AGTPBP1: variants seen among roughly 807,000 people sequenced by gnomAD.
AGTPBP1 encodes ATP/GTP binding carboxypeptidase 1, also known as cytosolic carboxypeptidase 1.
AGTPBP1 carries 70 observed loss-of-function variants against 143.9 expected under a neutral mutation model. That is an observed-to-expected ratio of 0.49 (90% CI 0.40 to 0.59). The LOEUF (loss-of-function observed/expected upper bound fraction) is 0.59. AGTPBP1 is among the 20% of genes least tolerant of loss of function. AGTPBP1 has a pLI of 0.00. For missense variants in AGTPBP1, 1,229 were observed against 1,464.5 expected, an observed-to-expected ratio of 0.84 and a Z score of 2.62; for synonymous variants, 463 against 500.2, an observed-to-expected ratio of 0.93 and a Z score of 0.99.
chr9:85,792,549 G>C, the AGTPBP1 span, among the ~76,000 whole-genome samples: 1 of 152,174 alleles, frequency 6.6e-6, no homozygotes, highest in African/African-American at 2.4e-5. Context: ...TGTTAGACAT[G>C]ACTAGAAAGA....
At chr9:85,753,468 T>C in the AGTPBP1 span, 1 of 1,607,472 alleles carries the variant, frequency 6.2e-7, no homozygotes, top group Non-Finnish European at 8.5e-7. Flanking sequence ...AATCTGATGG[T>C]TGTCTAAATA....
intron 11 of AGTPBP1, among the ~76,000 whole-genome samples, chr9:85,648,506 TC>T (rs1270940210): frequency 6.6e-6 from 1 of 151,872 alleles, no homozygotes; most frequent in East Asian, 1.9e-4. Flanking sequence ...AGAAAATAAC[TC>T]CTAGGAAAAA....
chr9:85,804,787 G>A, the AGTPBP1 span, among the ~76,000 whole-genome samples: 1 of 152,236 alleles, frequency 6.6e-6, no homozygotes, highest in Non-Finnish European at 1.5e-5. Context: ...ACAGGGAACT[G>A]AGCAATGTTA....
intron 1 of AGTPBP1, among the ~76,000 whole-genome samples, chr9:85,722,776 C>A (rs148703682): frequency 0.032 from 4,837 of 152,290 alleles, 103 homozygotes; most frequent in African/African-American, 0.053. Flanking sequence ...AACTTTTCAG[C>A]TTTTCTGCTC....
intron 1 of AGTPBP1, among the ~76,000 whole-genome samples, chr9:85,719,065 A>G (rs1326651340): frequency 6.6e-6 from 1 of 152,080 alleles, no homozygotes; most frequent in Non-Finnish European, 1.5e-5. Flanking sequence ...TGTTTTAGTT[A>G]CTGTAGCCTT....
chr9:85,662,461 A>C (rs1833904461), intron 8 of AGTPBP1, among the ~76,000 whole-genome samples: 1 of 152,198 alleles, frequency 6.6e-6, no homozygotes, highest in Non-Finnish European at 1.5e-5. Context: ...TTTTACACTT[A>C]TGCAATAAAA....
chr9:85,773,597 C>A, the AGTPBP1 span, among the ~76,000 whole-genome samples: 2 of 151,874 alleles, frequency 1.3e-5, no homozygotes, highest in Non-Finnish European at 2.9e-5. Flanking sequence ...CTCAGACTCC[C>A]AAACTGCTAG....
rs1431184793 is a variant in AGTPBP1 at position 85,568,770 on chromosome 9, G to C, written c.3503+6545C>G. Among the ~76,000 whole-genome samples, 4 of 152,170 alleles carry C rather than the reference G, an allele frequency of 2.6e-5. No homozygotes were observed. In the East Asian group the frequency reaches 7.7e-4, roughly 29 times the overall value. On this transcript the variant is annotated intron_variant, in intron 25 of 25. Coordinates refer to ENST00000357081, the MANE Select transcript of AGTPBP1 (RefSeq NM_001330701.2). ...CTCAGAAGAGAAATCAAAAAGTTCT[G>C]GGTGATGGATTGGGTTAAGGGTAAG... is the stretch of plus-strand genomic sequence containing the variant.
chr9:85,594,843 T>A (rs1293765631), intron 18 of AGTPBP1, among the ~76,000 whole-genome samples: 1 of 152,208 alleles, frequency 6.6e-6, no homozygotes, highest in Non-Finnish European at 1.5e-5. Flanking sequence ...AAAGCATTCA[T>A]TGATTGACAA....
At chr9:85,722,445 CT>C (rs199530391) in intron 1 of AGTPBP1, among the ~76,000 whole-genome samples, 2,253 of 152,300 alleles carry the variant, frequency 0.015, 25 homozygotes, top group Middle Eastern at 0.037. Flanking sequence ...AATATCCTTT[CT>C]TCGACTTGAT....
chr9:85,804,623 T>C, the AGTPBP1 span, among the ~76,000 whole-genome samples: 1 of 152,218 alleles, frequency 6.6e-6, no homozygotes, highest in Admixed American at 6.5e-5. Context: ...ATGGAGATAA[T>C]GGGATGCGCT....
At chr9:85,704,045 C>T (rs963546823) in intron 2 of AGTPBP1, among the ~76,000 whole-genome samples, 5 of 152,114 alleles carry the variant, frequency 3.3e-5, no homozygotes, top group African/African-American at 1.2e-4. Flanking sequence ...ACTAAGTTAC[C>T]ACCTGAAAAC....
chr9:85,764,767 C>T, the AGTPBP1 span: 1 of 1,306,398 alleles, frequency 7.7e-7, no homozygotes, highest in Non-Finnish European at 1.1e-6. Flanking sequence ...AACAAGACTT[C>T]TCTGAAAAGA....
At chr9:85,568,506 C>G (rs1028749093) in intron 25 of AGTPBP1, among the ~76,000 whole-genome samples, 1 of 152,104 alleles carries the variant, frequency 6.6e-6, no homozygotes, top group Non-Finnish European at 1.5e-5. Flanking sequence ...AGGTGACTTA[C>G]GCTGGACCTC....
chr9:85,600,403 G>A (rs1373261438), intron 17 of AGTPBP1, among the ~76,000 whole-genome samples: 1 of 152,154 alleles, frequency 6.6e-6, no homozygotes. Flanking sequence ...GAGGCATCTG[G>A]CACTTACGTC....
At chr9:85,564,960 G>A (rs1826985492) in intron 25 of AGTPBP1, among the ~76,000 whole-genome samples, 1 of 152,184 alleles carries the variant, frequency 6.6e-6, no homozygotes, top group Non-Finnish European at 1.5e-5. Context: ...TGAACTGAAT[G>A]TTTATGTCAC....
chr9:85,786,419 C>T, the AGTPBP1 span: 10,519 of 1,613,750 alleles, frequency 6.5e-3, 585 homozygotes, highest in African/African-American at 0.12. Context: ...AAATGTGGGA[C>T]GACTTCATGG....
intron 1 of AGTPBP1, among the ~76,000 whole-genome samples, chr9:85,720,677 A>G (rs533791140): frequency 4.6e-5 from 7 of 151,176 alleles, no homozygotes; most frequent in East Asian, 2.0e-4. Context: ...GTTCTGCTCT[A>G]ATCTTAGTTA....
chr9:85,576,864 C>T (rs560900749), intron 24 of AGTPBP1, among the ~76,000 whole-genome samples: 1 of 151,744 alleles, frequency 6.6e-6, no homozygotes, highest in East Asian at 1.9e-4. Flanking sequence ...AAAGGAAAGC[C>T]CTGGCTTAGT....
Sources: allele counts gnomAD v4.1 joint callset (sites outside exome capture counted in the v4.1 genomes callset), GRCh38; gene constraint gnomAD v4.1.1; transcripts MANE v1.5; gene names NCBI Gene and HGNC (gene_info 2026-07-23, HGNC 2026-07-21).